The following MLX variants were observed in gnomAD, a reference collection of about 807,000 sequenced individuals.
The protein encoded by MLX is max-like protein X.
Under a neutral mutation model 33.0 loss-of-function variants are expected in MLX, and 15 were observed. The observed-to-expected ratio is 0.45, with a 90% confidence interval of 0.30 to 0.70. The LOEUF is 0.70. Ranked by LOEUF, MLX falls within the 30% of genes least tolerant of loss-of-function variation. The pLI is 0.07. For synonymous variants in MLX, 115 were observed against 115.6 expected, an observed-to-expected ratio of 0.99 and a Z score of 0.03; for missense variants, 285 against 306.3, an observed-to-expected ratio of 0.93 and a Z score of 0.52.
chr17:42,568,768 G>A, intron 3 of MLX, 69 bp from the exon 4 acceptor site: 1 of 1,382,752 alleles, frequency 7.2e-7, no homozygotes, highest in Non-Finnish European at 1.0e-6. Context: ...CCCAGCTGGG[G>A]AAAGGTGGGC....
chr17:42,567,507 G>A, intron 1 of MLX, 112 bp from the exon 2 acceptor site: 1 of 1,562,696 alleles, frequency 6.4e-7, no homozygotes, highest in Non-Finnish European at 8.7e-7. Flanking sequence ...CGCGCAGGGT[G>A]ACAGAGGCGC....
Position 42,572,388 on chromosome 17 carries a change from C to A in MLX, c.*785C>A, listed in dbSNP as rs1216643512. On this transcript the variant is annotated 3_prime_UTR_variant, in exon 8 of 8. Coordinates refer to ENST00000435881, the MANE Select transcript of MLX (RefSeq NM_198204.2). ...TACAATTTTGAAATATTAACTGAGC[C>A]TCAAAATCACCCTTTCTGTCAAGCA... 1 of 454,566 alleles carries A rather than the reference C, an allele frequency of 2.2e-6. No homozygotes were observed. Among genetic ancestry groups the A allele is most frequent in the Non-Finnish European group, 4.4e-6 (1 of 226,762 alleles). The allele number at this position is 454,566 out of a possible 1,614,324, so 28.2% of individuals were successfully genotyped here.
Position 42,567,363 on chromosome 17 carries a change from G to A in MLX, c.42+197G>A, listed in dbSNP as rs1328361711. The A allele has an allele frequency of 3.6e-6, 5 of 1,397,726 alleles. No individual in the cohort carries two copies. The African/African-American group carries it at 5.9e-5, about 16-fold the overall frequency. 86.6% of individuals were successfully genotyped at this position (1,397,726 alleles called of 1,614,324 possible). A position where few individuals can be genotyped will look rare whatever the true frequency, so the allele number is the denominator to read the frequency against. On this transcript the variant is annotated intron_variant, in intron 1 of 7. Coordinates refer to ENST00000435881, the MANE Select transcript of MLX (RefSeq NM_198204.2). ...CAAACGAGGCGTGTGCGCGCGAGTC[G>A]GGGGAACGGGGCACTGGGGTGGAGT...
Position 42,569,540 on chromosome 17 carries a change from A to G in MLX, c.410A>G (p.Lys137Arg). The G allele has an allele frequency of 1.9e-6, 3 of 1,614,122 alleles. No individual in the cohort carries two copies. Among genetic ancestry groups the G allele is most frequent in the Non-Finnish European group, 2.5e-6 (3 of 1,180,026 alleles). Residue 137 changes from lysine (K) to arginine (R), a missense_variant, in exon 6 of 8, where the codon AAG becomes AGG. Transcript: ENST00000435881. The part of the protein sequence containing the change: ...IDYIQFLHKE[K>R]KKQEEEVSTL... ...TACATTCAGTTTTTGCACAAGGAGA[A>G]GAAAAAGCAGGAGGAGGAGGTGTCC...
chr17:42,567,566 C>A, intron 1 of MLX, 53 bp from the exon 2 acceptor site: 1 of 1,610,766 alleles, frequency 6.2e-7, no homozygotes, highest in East Asian at 2.2e-5. Context: ...GGAAGGGGCG[C>A]CTCCCCCTAG....
rs1185001541 is a variant in MLX, at chr17:42,572,534, T to C, written c.*931T>C. 2.2e-6 allele frequency: 1 copy of C among 454,242 alleles called. No individual in the cohort carries two copies. The highest frequency in any genetic ancestry group is 1.6e-5 in the South Asian group (1 of 64,352). 28.1% of individuals were successfully genotyped at this position (454,242 alleles called of 1,614,324 possible). A position where few individuals can be genotyped will look rare whatever the true frequency, so the allele number is the denominator to read the frequency against. Reference sequence around the variant, plus strand: ...TGGGGTACACAAGCCCAGCAGGTCCTGAGTGAAGCCGTGGGCCCTCCAAAT... The same window carrying C: ...TGGGGTACACAAGCCCAGCAGGTCCCGAGTGAAGCCGTGGGCCCTCCAAAT... On this transcript the variant is annotated 3_prime_UTR_variant, in exon 8 of 8. Transcript: ENST00000435881.
intron 6 of MLX, 115 bp downstream of exon 6, chr17:42,569,721 T>C: frequency 1.2e-6 from 1 of 855,772 alleles, no homozygotes; most frequent in Admixed American, 2.0e-5. Context: ...TCTTAGTTCC[T>C]GAGCTAGCCA....
intron 2 of MLX, chr17:42,567,899 TCA>T (rs1389302572): frequency 3.4e-6 from 2 of 584,118 alleles, no homozygotes; most frequent in East Asian, 2.8e-5. Flanking sequence ...AGCTGATCAC[TCA>T]CACCCTCATC....
In MLX at chr17:42,569,298, A is replaced by G. The variant is rs2093021454; in HGVS notation, c.371A>G (p.Gln124Arg). ...AAGCTCAGCAAAGCCATCGTTCTAC[A>G]AAAGAGTATGGCTAGGGAAAGCACT... ...SQKLSKAIVL[Q>R]KTIDYIQFLH... Residue 124 changes from glutamine to arginine, a missense_variant, in exon 5 of 8, where the codon CAA becomes CGA. Gln to Arg is a conservative substitution (Grantham distance 43). Transcript: ENST00000435881. 6.2e-7 allele frequency: 1 copy of G among 1,613,668 alleles called. No individual in the cohort carries two copies. Among genetic ancestry groups the G allele is most frequent in the African/African-American group, 1.3e-5 (1 of 74,914 alleles).
At chr17:42,567,512 AGGCGCCTTCCCGGAATGGGG>A in intron 1 of MLX, 87 bp from the exon 2 acceptor site, 3 of 1,569,682 alleles carry the variant, frequency 1.9e-6, no homozygotes, top group Non-Finnish European at 2.6e-6. Context: ...AGGGTGACAG[AGGCGCCTTCCCGGAATGGGG>A]GGCGCGCTGT....
At chr17:42,567,813 A>C in intron 2 of MLX, 158 bp downstream of exon 2, 1 of 854,804 alleles carries the variant, frequency 1.2e-6, no homozygotes, top group Non-Finnish European at 1.8e-6. Context: ...GCAGAAAACA[A>C]CTGAGGGTGA....
At position 42,567,409 on chromosome 17, in the gene MLX, A is replaced by G. The variant is rs1483710323; in HGVS notation, c.43-210A>G. 7.9e-6 allele frequency: 11 copies of G among 1,394,174 alleles called. No individual in the cohort carries two copies. The Middle Eastern group carries it at 1.0e-3, about 132-fold the overall frequency. The allele number at this position is 1,394,174 out of a possible 1,614,324, so 86.4% of individuals were successfully genotyped here. A position where few individuals can be genotyped will look rare whatever the true frequency, so the allele number is the denominator to read the frequency against. Reference sequence around the variant, plus strand: ...GGAGTAGGGGCGGAAGGGATCATACACAGGGGAGGCACTCGCACGCCCTAG... The same window carrying G: ...GGAGTAGGGGCGGAAGGGATCATACGCAGGGGAGGCACTCGCACGCCCTAG... On this transcript the variant is annotated intron_variant, in intron 1 of 7. Coordinates refer to ENST00000435881, the MANE Select transcript of MLX (RefSeq NM_198204.2).
chr17:42,568,253 C>T (rs1289904319), intron 2 of MLX: 1 of 265,720 alleles, frequency 3.8e-6, no homozygotes, highest in Non-Finnish European at 7.4e-6. Flanking sequence ...GTCCCAGCTA[C>T]TCGGGAGGCT....
chr17:42,568,730 A>G, intron 3 of MLX, 107 bp from the exon 4 acceptor site: 1 of 1,135,880 alleles, frequency 8.8e-7, no homozygotes, highest in Non-Finnish European at 1.3e-6. Flanking sequence ...GGTTCTGTCC[A>G]TCTGCCTTCT....
rs752615680 is a variant in MLX at position 42,567,362 on chromosome 17, CGGG to C, written c.42+199_42+201del. ...ACAAACGAGGCGTGTGCGCGCGAGT[CGGG>C]GGAACGGGGCACTGGGGTGGAGTAG... On this transcript the variant is annotated intron_variant, in intron 1 of 7. Coordinates refer to ENST00000435881, the MANE Select transcript of MLX (RefSeq NM_198204.2). The C allele has an allele frequency of 5.0e-6, 7 of 1,398,478 alleles. 1 individual carries two copies. The African/African-American group carries it at 1.0e-4, about 20-fold the overall frequency. The allele number at this position is 1,398,478 out of a possible 1,614,324, so 86.6% of individuals were successfully genotyped here. A position where few individuals can be genotyped will look rare whatever the true frequency, so the allele number is the denominator to read the frequency against.
intron 3 of MLX, 99 bp from the exon 4 acceptor site, chr17:42,568,738 T>C: frequency 8.6e-7 from 1 of 1,168,142 alleles, no homozygotes; most frequent in Non-Finnish European, 1.3e-6. Flanking sequence ...CCATCTGCCT[T>C]CTCTGGACAC....
At position 42,568,495 on chromosome 17, in the gene MLX, G is replaced by C; in HGVS notation, c.105G>C (p.Lys35Asn). The C allele has an allele frequency of 3.7e-6, 6 of 1,613,938 alleles. No individual in the cohort carries two copies. Among genetic ancestry groups the C allele is most frequent in the Non-Finnish European group, 5.1e-6 (6 of 1,179,880 alleles). Reference sequence around the variant, plus strand: ...GGCTTTTTGTAGAAAGCACCCGCAAGGGGAGTGTAGTGTCCAGAGCTAATA... The same window carrying C: ...GGCTTTTTGTAGAAAGCACCCGCAACGGGAGTGTAGTGTCCAGAGCTAATA... ...DPGLFVESTR[K>N]GSVVSRANSI... The change falls in exon 3 of 8, where the codon AAG becomes AAC. Residue 35 changes from lysine (K) to asparagine (N), a missense_variant. Lys to Asn is a moderately conservative substitution (Grantham distance 94, BLOSUM62 0). Transcript: ENST00000435881.
rs1232314732 is a variant in MLX, at chr17:42,569,604, A to G, written c.474A>G (p.Lys158=). 6 of 1,613,098 alleles carry G rather than the reference A, an allele frequency of 3.7e-6. No individual in the cohort carries two copies. Among genetic ancestry groups the G allele is most frequent in the Non-Finnish European group, 5.1e-6 (6 of 1,179,112 alleles). ...RKDVTALKIM[K]VNYEQIVKAH... is the part of the protein sequence containing the mutation. Reference sequence around the variant, plus strand: ...ATGTCACCGCCCTAAAGATCATGAAAGTGTAAGAGGGGTGCTGAATGGGGG... The same window carrying G: ...ATGTCACCGCCCTAAAGATCATGAAGGTGTAAGAGGGGTGCTGAATGGGGG... Residue 158 remains lysine (K), a splice_region_variant and synonymous_variant, in exon 6 of 8, where the codon AAA becomes AAG. Coordinates refer to ENST00000435881, the MANE Select transcript of MLX (RefSeq NM_198204.2).
At chr17:42,569,867 C>T in intron 6 of MLX, 115 bp from the exon 7 acceptor site, 1 of 1,014,798 alleles carries the variant, frequency 9.9e-7, no homozygotes, top group Non-Finnish European at 1.5e-6. Context: ...ATACTGAACC[C>T]CACCCAGAAG....
Sources: gnomAD v4.1 joint callset for allele counts on GRCh38, gnomAD v4.1.1 for gene constraint, MANE v1.5 for transcripts, NCBI Gene and HGNC (gene_info 2026-07-23, HGNC 2026-07-21) for gene names.